Variants in IKZF2 observed in about 807,000 individuals in gnomAD.
The protein encoded by IKZF2 is IKAROS family zinc finger 2, also known as zinc finger protein Helios.
Under a neutral mutation model 49.2 loss-of-function variants are expected in IKZF2, and 15 were observed. The ratio of observed to expected loss-of-function variants is 0.30; its 90% CI spans 0.20 to 0.47. IKZF2 has a LOEUF of 0.47. IKZF2 is among the 20% of genes least tolerant of loss of function. The pLI, the probability that IKZF2 is intolerant of heterozygous loss-of-function variation, is 1.00. For missense variants in IKZF2, 567 were observed against 664.6 expected, an observed-to-expected ratio of 0.85 and a Z score of 1.61; for synonymous variants, 227 against 221.4, an observed-to-expected ratio of 1.03 and a Z score of -0.23.
At chr2:213,059,152 C>T (rs1332402241) in intron 4 of IKZF2, among the ~76,000 whole-genome samples, 1 of 151,666 alleles carries the variant, frequency 6.6e-6, no homozygotes, top group Non-Finnish European at 1.5e-5. Flanking sequence ...CATGTTGAAA[C>T]GTTCTTTATT....
At chr2:213,115,857 TA>T (rs1233935689) in intron 4 of IKZF2, among the ~76,000 whole-genome samples, 1 of 152,070 alleles carries the variant, frequency 6.6e-6, no homozygotes, top group Non-Finnish European at 1.5e-5. Context: ...TATTTTACTT[TA>T]AAGCATTTAG....
chr2:213,104,318 A>C (rs1267313443), intron 4 of IKZF2, among the ~76,000 whole-genome samples: 3 of 151,970 alleles, frequency 2.0e-5, no homozygotes, highest in Admixed American at 2.0e-4. Flanking sequence ...AGTAAACCAC[A>C]GGGCAGAGGC....
intron 4 of IKZF2, among the ~76,000 whole-genome samples, chr2:213,099,811 A>G (rs1367308484): frequency 6.6e-6 from 1 of 152,162 alleles, no homozygotes; most frequent in African/African-American, 2.4e-5. Flanking sequence ...GAGGGTAATA[A>G]GGAACCTATC....
In IKZF2 at chr2:213,047,765, C is replaced by T. The variant is rs192009434; in HGVS notation, c.574+1948G>A. On this transcript the variant is annotated intron_variant, in intron 6 of 8. Coordinates refer to ENST00000434687, the MANE Select transcript of IKZF2 (RefSeq NM_001387220.1). ...CTATGCTTGGAACTCAGGGGATTTA[C>T]TGGGGCATCTCTTTAGAAATACTTA... is the stretch of plus-strand genomic sequence containing the variant. Among the ~76,000 whole-genome samples, 392 of 152,098 alleles carry T rather than the reference C, an allele frequency of 2.6e-3. 1 individual carries two copies. The highest frequency in any genetic ancestry group is 9.2e-3 in the African/African-American group (381 of 41,506).
At chr2:213,115,407 C>A (rs1028570613) in intron 4 of IKZF2, among the ~76,000 whole-genome samples, 1 of 152,136 alleles carries the variant, frequency 6.6e-6, no homozygotes, top group East Asian at 1.9e-4. Flanking sequence ...AACCACATAG[C>A]GAATATTTCC....
At chr2:213,082,893 T>C (rs191643042) in intron 4 of IKZF2, among the ~76,000 whole-genome samples, 2 of 152,310 alleles carry the variant, frequency 1.3e-5, no homozygotes, top group Admixed American at 1.3e-4. Flanking sequence ...CCTTCTAAAA[T>C]ATGTTTGCAA....
chr2:213,077,024 A>C (rs1703347896), intron 4 of IKZF2, among the ~76,000 whole-genome samples: 1 of 152,246 alleles, frequency 6.6e-6, no homozygotes, highest in South Asian at 2.1e-4. Context: ...AGATTGTTAC[A>C]CACAGGTACA....
chr2:213,000,347 T>A lies in IKZF2; in HGVS notation c.*7013A>T, dbSNP rs1339474836. The A allele has an allele frequency of 6.7e-6, 1 of 148,904 alleles. No individual in the cohort carries two copies. Among genetic ancestry groups the A allele is most frequent in the South Asian group, 2.1e-4 (1 of 4,756 alleles). The allele number at this position is 148,904 out of a possible 1,614,324, so 9.2% of individuals were successfully genotyped here. On this transcript the variant is annotated 3_prime_UTR_variant, in exon 9 of 9. Transcript: ENST00000434687. ...AAATGAGGTTTACTGGTTTGACCTA[T>A]TTTTTTTTCTTTTTTTGCTTCTAAA...
chr2:213,107,563 G>C (rs569906739), intron 4 of IKZF2, among the ~76,000 whole-genome samples: 2 of 152,210 alleles, frequency 1.3e-5, no homozygotes, highest in Non-Finnish European at 2.9e-5. Context: ...GGGAAGGTAT[G>C]TAAATCATGG....
chr2:213,017,941 T>C (rs982915306), intron 7 of IKZF2, among the ~76,000 whole-genome samples: 3 of 152,156 alleles, frequency 2.0e-5, no homozygotes, highest in African/African-American at 4.8e-5. Context: ...CACTGAATGA[T>C]GTCACCCAAT....
rs1216337683 is a variant in IKZF2, at chr2:213,002,540, T to A, written c.*4820A>T. 3 of 151,768 alleles carry A rather than the reference T, an allele frequency of 2.0e-5. No individual in the cohort carries two copies. The highest frequency in any genetic ancestry group is 7.2e-5 in the African/African-American group (3 of 41,412). The allele number at this position is 151,768 out of a possible 1,614,324, so 9.4% of individuals were successfully genotyped here. A position where few individuals can be genotyped will look rare whatever the true frequency, so the allele number is the denominator to read the frequency against. ...CACAGCTTCTTGGTCATATGCCATTTGCTTTGTATAACCAGCAGCTCATTT... is the reference window on the plus strand; with the variant it reads ...CACAGCTTCTTGGTCATATGCCATTAGCTTTGTATAACCAGCAGCTCATTT... On this transcript the variant is annotated 3_prime_UTR_variant, in exon 9 of 9. Transcript: ENST00000434687.
chr2:213,099,558 C>T (rs1419991159), intron 4 of IKZF2, among the ~76,000 whole-genome samples: 36 of 152,116 alleles, frequency 2.4e-4, no homozygotes. Flanking sequence ...TTGAGCTTTC[C>T]TCTTCTAGCT....
intron 6 of IKZF2, among the ~76,000 whole-genome samples, chr2:213,047,639 T>G (rs1700281362): frequency 6.6e-6 from 1 of 152,046 alleles, no homozygotes; most frequent in Non-Finnish European, 1.5e-5. Context: ...ACTAGCTATT[T>G]TGGGCATGTC....
chr2:213,063,002 T>C (rs1156750786), intron 4 of IKZF2, among the ~76,000 whole-genome samples: 1 of 152,074 alleles, frequency 6.6e-6, no homozygotes, highest in Non-Finnish European at 1.5e-5. Context: ...TATGCAATCA[T>C]TTTTTAATAT....
At chr2:213,052,351 T>C (rs1700753153) in intron 5 of IKZF2, among the ~76,000 whole-genome samples, 1 of 152,034 alleles carries the variant, frequency 6.6e-6, no homozygotes, top group Non-Finnish European at 1.5e-5. Flanking sequence ...ATAGTTTTCT[T>C]CCTTTTTTTG....
intron 4 of IKZF2, among the ~76,000 whole-genome samples, chr2:213,062,448 G>A (rs1212673493): frequency 6.6e-6 from 1 of 151,590 alleles, no homozygotes; most frequent in African/African-American, 2.4e-5. Context: ...TGAAATTGGT[G>A]ACTTATTTTT....
At chr2:213,068,781 T>C (rs1421880417) in intron 4 of IKZF2, among the ~76,000 whole-genome samples, 1 of 152,012 alleles carries the variant, frequency 6.6e-6, no homozygotes, top group African/African-American at 2.4e-5. Flanking sequence ...ACCTAGTTGG[T>C]ATGTGTGCAG....
intron 4 of IKZF2, among the ~76,000 whole-genome samples, chr2:213,106,146 A>G (rs1428457702): frequency 6.6e-6 from 1 of 152,166 alleles, no homozygotes; most frequent in Non-Finnish European, 1.5e-5. Context: ...TCTCTTTTTA[A>G]AAAAGGCATT....
At chr2:213,104,400 T>C (rs2059454601) in intron 4 of IKZF2, among the ~76,000 whole-genome samples, 1 of 152,118 alleles carries the variant, frequency 6.6e-6, no homozygotes, top group Non-Finnish European at 1.5e-5. Context: ...TCGCCTATGT[T>C]CCCCAGGCAC....
Sources: gnomAD v4.1 joint callset for allele counts (sites outside exome capture counted in the v4.1 genomes callset) on GRCh38, gnomAD v4.1.1 for gene constraint, MANE v1.5 for transcripts, NCBI Gene and HGNC (gene_info 2026-07-23, HGNC 2026-07-21) for gene names.